ACTN2: variants seen among roughly 807,000 people sequenced by gnomAD.
ACTN2 encodes alpha-actinin-2.
Under a neutral mutation model 113.8 loss-of-function variants are expected in ACTN2, and 39 were observed. The ratio of observed to expected loss-of-function variants is 0.34; its 90% confidence interval spans 0.27 to 0.45. The LOEUF is 0.45. Among genes scored for constraint, ACTN2 ranks in the 20% least tolerant of loss-of-function variants. The pLI is 1.00. For synonymous variants in ACTN2, 429 were observed against 444.1 expected (o/e 0.97, Z 0.43); for missense variants, 992 against 1,177.9 (o/e 0.84, Z 2.31).
chr1:236,705,202 G>A (rs1411048398), intron 1 of ACTN2, among the ~76,000 whole-genome samples: 2 of 150,816 alleles, frequency 1.3e-5, no homozygotes, highest in African/African-American at 5.0e-5. Context: ...ACCTGTGTGT[G>A]TATAAATATA....
chr1:236,761,937 G>A (rs1422817598), intron 20 of ACTN2, among the ~76,000 whole-genome samples: 1 of 152,134 alleles, frequency 6.6e-6, no homozygotes, highest in East Asian at 1.9e-4. Flanking sequence ...GGGTGAGGGT[G>A]GATGGGAAAT....
rs397516573 is a variant in ACTN2 at position 236,759,728 on chromosome 1, A to C, written c.2306A>C (p.Lys769Thr). The change falls in exon 19 of 21, where the codon AAG becomes ACG. Residue 769 changes from lysine (K) to threonine (T), a missense_variant. Physicochemically the swap from Lys to Thr is moderately conservative, Grantham distance 78 (BLOSUM62 -1). Coordinates refer to ENST00000366578, the MANE Select transcript of ACTN2 (RefSeq NM_001103.4). ...GTCCTTTGTTTTTGCCAACAGAGGAAGAATGGCCTGATGGATCATGAGGAT... is the reference window on the plus strand; with the variant it reads ...GTCCTTTGTTTTTGCCAACAGAGGACGAATGGCCTGATGGATCATGAGGAT... The part of the protein sequence containing the change: ...RASFNHFDRR[K>T]NGLMDHEDFR... The C allele has an allele frequency of 6.2e-7, 1 of 1,613,960 alleles. No individual in the cohort carries two copies. Among genetic ancestry groups the C allele is most frequent in the African/African-American group, 1.3e-5 (1 of 74,938 alleles).
chr1:236,733,919 T>A (rs957323454), intron 7 of ACTN2, among the ~76,000 whole-genome samples: 1 of 152,218 alleles, frequency 6.6e-6, no homozygotes, highest in Non-Finnish European at 1.5e-5. Context: ...CTGGTGAAAC[T>A]CTTCCTAAAC....
chr1:236,721,394 C>T (rs1456437402), intron 4 of ACTN2, among the ~76,000 whole-genome samples: 1 of 152,112 alleles, frequency 6.6e-6, no homozygotes, highest in Non-Finnish European at 1.5e-5. Flanking sequence ...TACCAGCTGA[C>T]ATGAAGCCTG....
intron 15 of ACTN2, among the ~76,000 whole-genome samples, chr1:236,752,248 T>C (rs1438482398): frequency 6.6e-6 from 1 of 152,192 alleles, no homozygotes; most frequent in Non-Finnish European, 1.5e-5. Flanking sequence ...CAATTAGTCA[T>C]CTCAGTATGC....
intron 1 of ACTN2, among the ~76,000 whole-genome samples, chr1:236,697,048 A>G (rs1190675371): frequency 6.6e-6 from 1 of 152,242 alleles, no homozygotes; most frequent in African/African-American, 2.4e-5. Context: ...TTCTAGCCTT[A>G]TCTCTAATGT....
chr1:236,733,110 C>T (rs1658758977), intron 7 of ACTN2, among the ~76,000 whole-genome samples: 1 of 152,138 alleles, frequency 6.6e-6, no homozygotes, highest in Non-Finnish European at 1.5e-5. Context: ...ATTTCCTTTC[C>T]TCTTTTTCCA....
intron 1 of ACTN2, among the ~76,000 whole-genome samples, chr1:236,711,150 G>A (rs1476157424): frequency 6.6e-6 from 1 of 152,182 alleles, no homozygotes; most frequent in Non-Finnish European, 1.5e-5. Context: ...CCCACTGACT[G>A]CCCACCCTGG....
intron 1 of ACTN2, among the ~76,000 whole-genome samples, chr1:236,696,777 T>C (rs1259600771): frequency 6.6e-6 from 1 of 151,598 alleles, no homozygotes; most frequent in East Asian, 2.0e-4. Flanking sequence ...GCGATTCTCC[T>C]ACCTCAGCCT....
At chr1:236,748,170 A>G in intron 13 of ACTN2, 1 of 262,508 alleles carries the variant, frequency 3.8e-6, no homozygotes, top group Non-Finnish European at 7.5e-6. Context: ...TTGATAGGAA[A>G]CAGAATTGGG....
In ACTN2 at chr1:236,686,552, G is replaced by T; in HGVS notation, c.-122G>T. 1 of 1,185,048 alleles carries T rather than the reference G, an allele frequency of 8.4e-7. No homozygotes were observed. Among genetic ancestry groups the T allele is most frequent in the Non-Finnish European group, 1.1e-6 (1 of 924,414 alleles). 73.4% of individuals were successfully genotyped at this position (1,185,048 alleles called of 1,614,324 possible). A position where few individuals can be genotyped will look rare whatever the true frequency, so the allele number is the denominator to read the frequency against. On this transcript the variant is annotated 5_prime_UTR_variant, in exon 1 of 21. Transcript: ENST00000366578. ...GCCCAGGCGTGTCGCCCCGAGAGGA[G>T]CCGCGCGAAGGTCACCCCGCGCCCG...
intron 8 of ACTN2, 109 bp downstream of exon 8, chr1:236,735,829 T>C (rs1011204155): frequency 1.9e-6 from 2 of 1,032,074 alleles, no homozygotes; most frequent in Admixed American, 2.0e-5. Context: ...CTTGGAATCT[T>C]TCTGAGTGTT....
At chr1:236,753,894 T>A (rs1659472583) in intron 15 of ACTN2, 53 bp from the exon 16 acceptor site, 3 of 1,608,716 alleles carry the variant, frequency 1.9e-6, no homozygotes, top group Non-Finnish European at 2.5e-6. Flanking sequence ...CTGTGGTTGT[T>A]CCTATGAGAC....
intron 12 of ACTN2, among the ~76,000 whole-genome samples, chr1:236,745,910 C>A (rs186205701): frequency 6.6e-6 from 1 of 151,864 alleles, no homozygotes; most frequent in South Asian, 2.1e-4. Context: ...ACGCCTGTAA[C>A]CCCAGCACTT....
chr1:236,761,093 G>A lies in ACTN2; in HGVS notation c.2446G>A (p.Asp816Asn), dbSNP rs1057522840. 5.6e-6 allele frequency: 9 copies of A among 1,613,874 alleles called. No individual in the cohort carries two copies. The African/African-American group carries it at 8.0e-5, about 14-fold the overall frequency. ...CACCGTCACCTTCCAATCCTTCATC[G>A]ACTTCATGACTAGAGAGACGGCTGA... ...QGTVTFQSFI[D>N]FMTRETADTD... is the part of the protein sequence containing the mutation. Residue 816 changes from aspartate (D) to asparagine (N), a missense_variant, in exon 20 of 21, where the codon GAC (aspartate) becomes AAC (asparagine). Around this residue, in one of 3 missense-constraint regions of ACTN2, gnomAD observed 736 missense variants for 815.4 expected, o/e 0.90. Coordinates refer to ENST00000366578, the MANE Select transcript of ACTN2 (RefSeq NM_001103.4).
At chr1:236,734,517 A>G in intron 7 of ACTN2, 1 of 1,532,628 alleles carries the variant, frequency 6.5e-7, no homozygotes, top group African/African-American at 1.4e-5. Flanking sequence ...GGTGCACAGA[A>G]GGTGAGGATG....
chr1:236,747,612 C>T (rs111977977), intron 12 of ACTN2, 55 bp from the exon 13 acceptor site: 15 of 1,493,546 alleles, frequency 1.0e-5, no homozygotes, highest in African/African-American at 8.3e-5. Context: ...AGCCCATGTT[C>T]ATTTTCTCTC....
intron 1 of ACTN2, among the ~76,000 whole-genome samples, chr1:236,717,554 A>T (rs540106141): frequency 2.5e-4 from 38 of 152,342 alleles, no homozygotes; most frequent in Admixed American, 2.0e-3. Context: ...TTTTCTACAA[A>T]GTAAAAGGGT....
chr1:236,708,648 G>T (rs1657905348), intron 1 of ACTN2, among the ~76,000 whole-genome samples: 2 of 152,210 alleles, frequency 1.3e-5, no homozygotes, highest in Non-Finnish European at 2.9e-5. Context: ...GCAGCTCATT[G>T]GTTGAGATGT....
Sources: gnomAD v4.1 joint callset for allele counts (sites outside exome capture counted in the v4.1 genomes callset) on GRCh38, gnomAD v4.1.1 for gene constraint, gnomAD v4.1.1 regional missense constraint, MANE v1.5 for transcripts, NCBI Gene and HGNC (gene_info 2026-07-23, HGNC 2026-07-21) for gene names.